Variants in TRPM1 observed in about 807,000 individuals in gnomAD.
TRPM1 encodes TRPM1-203 APA Isoform, Intron 10.
Under a neutral mutation model 149.4 loss-of-function variants are expected in TRPM1, and 113 were observed. That is an observed-to-expected ratio of 0.76 (90% confidence interval 0.65 to 0.88). The LOEUF is 0.88. Ranked by LOEUF, TRPM1 falls within the 40% of genes least tolerant of loss-of-function variation. The pLI, the probability that TRPM1 is intolerant of heterozygous loss-of-function variation, is 0.00. For synonymous variants in TRPM1, 741 were observed against 759.5 expected (o/e 0.98, Z 0.40); for missense variants, 1,976 against 2,038.7 (o/e 0.97, Z 0.59).
intron 1 of TRPM1, among the ~76,000 whole-genome samples, chr15:31,089,341 G>T (rs866788395): frequency 6.6e-6 from 1 of 152,130 alleles, no homozygotes; most frequent in Non-Finnish European, 1.5e-5. Flanking sequence ...TTTCCCACTT[G>T]GTTCAAAATC....
chr15:31,085,629 G>A (rs915882943), intron 1 of TRPM1, among the ~76,000 whole-genome samples: 2 of 151,260 alleles, frequency 1.3e-5, no homozygotes, highest in African/African-American at 4.9e-5. Context: ...TACCAGGAAC[G>A]CTTGTCGCTT....
intron 13 of TRPM1, among the ~76,000 whole-genome samples, chr15:31,048,411 T>C (rs1281119139): frequency 2.0e-5 from 3 of 152,240 alleles, no homozygotes; most frequent in African/African-American, 7.2e-5. Flanking sequence ...TGGTCATGGT[T>C]AGAAAGTATC....
chr15:31,073,374 T>C (rs2034608728), intron 3 of TRPM1, among the ~76,000 whole-genome samples: 2 of 152,164 alleles, frequency 1.3e-5, no homozygotes, highest in Non-Finnish European at 2.9e-5. Flanking sequence ...ATGTCTATCC[T>C]ATGCCAGTAT....
chr15:31,093,376 A>G (rs1245951126), intron 1 of TRPM1, among the ~76,000 whole-genome samples: 1 of 152,166 alleles, frequency 6.6e-6, no homozygotes. Flanking sequence ...ATCACCATAC[A>G]AAAATTGGAT....
At chr15:31,104,260 C>T (rs1207870036), upstream of TRPM1, among the ~76,000 whole-genome samples, 1 of 152,114 alleles carries the variant, frequency 6.6e-6, no homozygotes, top group Non-Finnish European at 1.5e-5. Flanking sequence ...GGGACAGTGA[C>T]CTGTATGCTC....
At chr15:31,142,659 C>T (rs1429338296) in intron 1 of TRPM1, among the ~76,000 whole-genome samples, 2 of 152,066 alleles carry the variant, frequency 1.3e-5, no homozygotes, top group Non-Finnish European at 2.9e-5. Flanking sequence ...TATTTTTGAT[C>T]AAGTCTTTTG....
chr15:31,137,974 A>T (rs866089488), intron 1 of TRPM1, among the ~76,000 whole-genome samples: 1 of 152,180 alleles, frequency 6.6e-6, no homozygotes, highest in South Asian at 2.1e-4. Context: ...TCTGATCTCT[A>T]CCAACTAACC....
Position 31,035,585 on chromosome 15 carries a change from G to A in TRPM1, c.2661C>T (p.Ile887=). The A allele has an allele frequency of 6.2e-7, 1 of 1,614,238 alleles. No individual in the cohort carries two copies. The highest frequency in any genetic ancestry group is 1.1e-5 in the South Asian group (1 of 91,090). Residue 887 remains isoleucine (I), a synonymous_variant, in exon 21 of 28, where the codon ATC becomes ATT. Coordinates refer to ENST00000256552, the MANE Select transcript of TRPM1 (RefSeq NM_001252024.2). Reference sequence around the variant, plus strand: ...CTAACGCCAGGCTCACGATGTAGGAGATGACGATCCACTCCTGGAGGGACG... The same window carrying A: ...CTAACGCCAGGCTCACGATGTAGGAAATGACGATCCACTCCTGGAGGGACG... ...GWPSLQEWIV[I]SYIVSLALEK... is the part of the protein sequence containing the mutation.
chr15:31,103,500 A>G (rs1203021075), upstream of TRPM1, among the ~76,000 whole-genome samples: 4 of 152,292 alleles, frequency 2.6e-5, no homozygotes, highest in African/African-American at 4.8e-5. Context: ...ACCTGCTTCT[A>G]TTTACTTTTC....
intron 1 of TRPM1, among the ~76,000 whole-genome samples, chr15:31,089,681 A>C (rs1341685023): frequency 6.6e-6 from 1 of 152,204 alleles, no homozygotes; most frequent in Admixed American, 6.5e-5. Context: ...CCTATGATTG[A>C]GGAAGCGTCA....
intron 1 of TRPM1, among the ~76,000 whole-genome samples, chr15:31,152,906 G>A (rs576561118): frequency 1.3e-5 from 2 of 152,170 alleles, no homozygotes; most frequent in Non-Finnish European, 2.9e-5. Context: ...GCCTCCTAAA[G>A]TGTTGGGATT....
chr15:31,003,235 C>T (rs1366140535), intron 27 of TRPM1, among the ~76,000 whole-genome samples, 165 bp from the exon 28 acceptor site: 2 of 152,172 alleles, frequency 1.3e-5, no homozygotes, highest in Non-Finnish European at 2.9e-5. Flanking sequence ...CTCGAATTAC[C>T]ATGAGGAGCC....
At chr15:31,112,655 G>A (rs547174591) in intron 1 of TRPM1, among the ~76,000 whole-genome samples, 1 of 152,216 alleles carries the variant, frequency 6.6e-6, no homozygotes, top group East Asian at 1.9e-4. Flanking sequence ...TCCTGATTCA[G>A]AGATAGCTCT....
At chr15:31,071,980 C>CATAT (rs71471861) in intron 3 of TRPM1, among the ~76,000 whole-genome samples, 23 of 77,254 alleles carry the variant, frequency 3.0e-4, no homozygotes, top group Non-Finnish European at 4.0e-4. Context: ...AAAAAAAAAA[C>CATAT]ATATATATAT....
In TRPM1 at chr15:31,048,015, C is replaced by T. The variant is rs1596016072; in HGVS notation, c.1573-76G>A. ...CGGTGGCTCACGCCTGTAGTCCCAG[C>T]ACTTTGGGAGGCCAAGGCAGGCAGA... On this transcript the variant is annotated intron_variant, in intron 13 of 27. Coordinates refer to ENST00000256552, the MANE Select transcript of TRPM1 (RefSeq NM_001252024.2). 4.6e-6 allele frequency: 6 copies of T among 1,312,014 alleles called. No homozygotes were observed. In the East Asian group the frequency reaches 1.4e-4, roughly 30 times the overall value. The allele number at this position is 1,312,014 out of a possible 1,614,324, so 81.3% of individuals were successfully genotyped here.
rs775814726 is a variant in TRPM1 at position 31,027,149 on chromosome 15, A to AT, written c.3294-33dup. The stretch of plus-strand genomic sequence containing the variant: ...AAAGAAGACATTTTTACAGTTAGTT[A>AT]TATTACTTTTTATAGTGATTTCCCA... On this transcript the variant is annotated intron_variant, in intron 25 of 27. Transcript: ENST00000256552. 7 of 1,600,212 alleles carry AT rather than the reference A, an allele frequency of 4.4e-6. No homozygotes were observed. In the Admixed American group the frequency reaches 1.2e-4, roughly 27 times the overall value.
intron 1 of TRPM1, among the ~76,000 whole-genome samples, chr15:31,119,014 C>T (rs982818678): frequency 6.6e-6 from 1 of 151,930 alleles, no homozygotes; most frequent in Non-Finnish European, 1.5e-5. Flanking sequence ...CCGAGGTGGG[C>T]AGATCACCTG....
intron 1 of TRPM1, among the ~76,000 whole-genome samples, chr15:31,125,148 A>G (rs2035930767): frequency 6.6e-6 from 1 of 152,162 alleles, no homozygotes; most frequent in South Asian, 2.1e-4. Context: ...ACTGTACTCC[A>G]GCCTGGGTGA....
intron 3 of TRPM1, among the ~76,000 whole-genome samples, chr15:31,073,364 A>G (rs2034608332): frequency 6.6e-6 from 1 of 152,084 alleles, no homozygotes; most frequent in South Asian, 2.1e-4. Flanking sequence ...ATTTGTCTAT[A>G]TGTCTATCCT....
Sources: gnomAD v4.1 joint callset for allele counts (sites outside exome capture counted in the v4.1 genomes callset) on GRCh38, gnomAD v4.1.1 for gene constraint, MANE v1.5 for transcripts, NCBI Gene and HGNC (gene_info 2026-07-23, HGNC 2026-07-21) for gene names.